Variants in FAM83B observed in about 807,000 individuals in gnomAD.
FAM83B encodes the protein scaffolding CK1 anchoring protein B.
FAM83B carries 26 observed loss-of-function variants against 38.8 expected under a neutral mutation model. The ratio of observed to expected loss-of-function variants is 0.67; its 90% confidence interval spans 0.49 to 0.93. The LOEUF (loss-of-function observed/expected upper bound fraction) is 0.93. Among genes scored for constraint, FAM83B ranks in the 40% least tolerant of loss-of-function variants. The probability of loss-of-function intolerance (pLI) is 0.00; values close to 1 mark genes in which losing one functional copy is unlikely to be tolerated. For missense variants in FAM83B, 1,237 were observed against 1,197.3 expected (o/e 1.03, Z -0.49); for synonymous variants, 419 against 423.1 (o/e 0.99, Z 0.12).
At chr6:54,907,166 C>T (rs908959933) in intron 2 of FAM83B, among the ~76,000 whole-genome samples, 4 of 152,066 alleles carry the variant, frequency 2.6e-5, no homozygotes, top group South Asian at 2.1e-4. Flanking sequence ...ATGCTAGAAA[C>T]GTATTCCAGC....
chr6:54,899,510 C>T (rs2127581961), intron 2 of FAM83B, among the ~76,000 whole-genome samples: 2 of 152,292 alleles, frequency 1.3e-5, no homozygotes, highest in East Asian at 3.9e-4. Context: ...ATAAGCAGAG[C>T]AGCTTTTAAA....
intron 2 of FAM83B, among the ~76,000 whole-genome samples, chr6:54,904,189 T>C (rs1209267976): frequency 6.6e-6 from 1 of 152,196 alleles, no homozygotes; most frequent in Non-Finnish European, 1.5e-5. Context: ...CTTTCTCTCC[T>C]GAAATGCTTT....
At chr6:54,924,074 T>G (rs1773230184) in intron 2 of FAM83B, among the ~76,000 whole-genome samples, 1 of 152,014 alleles carries the variant, frequency 6.6e-6, no homozygotes, top group African/African-American at 2.4e-5. Flanking sequence ...ATGAGTGACA[T>G]CACTCAGTAT....
intron 2 of FAM83B, among the ~76,000 whole-genome samples, chr6:54,882,345 A>G (rs1405496322): frequency 6.6e-6 from 1 of 152,232 alleles, no homozygotes; most frequent in African/African-American, 2.4e-5. Context: ...CATTTTATAT[A>G]TACTGATGTA....
chr6:54,940,317 C>T lies in FAM83B; in HGVS notation c.1346C>T (p.Ala449Val), dbSNP rs147775708. Reference sequence around the variant, plus strand: ...GCCCAGAGTTTTGCCAATCGGCTTGCGCAGAGAAAAACAACAAATCTTGCA... The same window carrying T: ...GCCCAGAGTTTTGCCAATCGGCTTGTGCAGAGAAAAACAACAAATCTTGCA... ...TPAQSFANRLAQRKTTNLADR... is the reference protein window; with the variant it reads ...TPAQSFANRLVQRKTTNLADR... Residue 449 changes from alanine to valine, a missense_variant, in exon 5 of 5, where the codon GCG (alanine) becomes GTG (valine). Physicochemically the swap from Ala to Val is moderately conservative, Grantham distance 64. Transcript: ENST00000306858. The T allele has an allele frequency of 1.5e-4, 246 of 1,613,876 alleles. No homozygotes were observed. Among genetic ancestry groups the T allele is most frequent in the African/African-American group, 2.7e-4 (20 of 74,900 alleles).
At chr6:54,900,278 A>G (rs2127582094) in intron 2 of FAM83B, among the ~76,000 whole-genome samples, 1 of 152,298 alleles carries the variant, frequency 6.6e-6, no homozygotes, top group Non-Finnish European at 1.5e-5. Flanking sequence ...GTGATGAGAA[A>G]AGAGGGAGGC....
intron 2 of FAM83B, among the ~76,000 whole-genome samples, chr6:54,874,752 G>A (rs1179472043): frequency 6.6e-6 from 1 of 152,014 alleles, no homozygotes; most frequent in Non-Finnish European, 1.5e-5. Flanking sequence ...TTTGTGAGAT[G>A]TGAATCTTAC....
At chr6:54,912,674 C>T (rs1275250741) in intron 2 of FAM83B, among the ~76,000 whole-genome samples, 2 of 151,910 alleles carry the variant, frequency 1.3e-5, no homozygotes, top group Non-Finnish European at 2.9e-5. Context: ...TTCTAAGTAA[C>T]ATGGCTAAAG....
rs770898108 is a variant in FAM83B at position 54,870,647 on chromosome 6, C to T, written c.401C>T (p.Thr134Met). 4.4e-6 allele frequency: 7 copies of T among 1,607,886 alleles called. No homozygotes were observed. The highest frequency in any genetic ancestry group is 2.2e-5 in the South Asian group (2 of 90,460). Reference sequence around the variant, plus strand: ...CATCCACCAAGAGCACATCTACTTACGATAAAAGAAACTATTCGGAAGATG... The same window carrying T: ...CATCCACCAAGAGCACATCTACTTATGATAAAAGAAACTATTCGGAAGATG... ...LFHPPRAHLL[T>M]IKETIRKMIK... is the part of the protein sequence containing the mutation. Residue 134 changes from threonine to methionine, a missense_variant, in exon 2 of 5, where the codon ACG becomes ATG. Transcript: ENST00000306858.
chr6:54,882,224 A>G (rs1318082309), intron 2 of FAM83B, among the ~76,000 whole-genome samples: 2 of 152,140 alleles, frequency 1.3e-5, no homozygotes, highest in Non-Finnish European at 2.9e-5. Context: ...CTGGACTTCT[A>G]TTCTATGATT....
intron 2 of FAM83B, among the ~76,000 whole-genome samples, chr6:54,895,747 T>C (rs1157226145): frequency 6.6e-6 from 1 of 151,722 alleles, no homozygotes; most frequent in African/African-American, 2.4e-5. Context: ...TAGGTTTGTT[T>C]TGTTTTGTTT....
chr6:54,874,459 G>A (rs1013166689), intron 2 of FAM83B, among the ~76,000 whole-genome samples: 3 of 151,880 alleles, frequency 2.0e-5, no homozygotes, highest in Non-Finnish European at 2.9e-5. Context: ...ACTTTACTTT[G>A]CAAAGTCTGA....
chr6:54,944,027 T>G lies in FAM83B; in HGVS notation c.*2020T>G, dbSNP rs1244376421. The G allele has an allele frequency of 6.6e-6, 1 of 152,204 alleles. No individual in the cohort carries two copies. Among genetic ancestry groups the G allele is most frequent in the African/African-American group, 2.4e-5 (1 of 41,460 alleles). 9.4% of individuals were successfully genotyped at this position (152,204 alleles called of 1,614,324 possible). On this transcript the variant is annotated 3_prime_UTR_variant, in exon 5 of 5. Transcript: ENST00000306858. ...ATCCCCTGACAGGTGACTTAGGCTT[T>G]GCACAGCAGATTTATTTTTCTCTGC...
At chr6:54,850,636 A>G (rs896213454) in intron 1 of FAM83B, among the ~76,000 whole-genome samples, 1 of 152,174 alleles carries the variant, frequency 6.6e-6, no homozygotes, top group Non-Finnish European at 1.5e-5. Context: ...ATTTATATAT[A>G]CACACTGGCA....
chr6:54,881,808 C>T (rs1229781083), intron 2 of FAM83B, among the ~76,000 whole-genome samples: 6 of 152,142 alleles, frequency 3.9e-5, no homozygotes, highest in Non-Finnish European at 8.8e-5. Flanking sequence ...GACTTGTGCA[C>T]AACGTGCAGG....
chr6:54,850,695 A>G (rs1230457638), intron 1 of FAM83B, among the ~76,000 whole-genome samples: 1 of 152,198 alleles, frequency 6.6e-6, no homozygotes, highest in African/African-American at 2.4e-5. Flanking sequence ...ACCTAGTCTC[A>G]TAAGACTCAT....
chr6:54,893,136 C>A (rs1460714821), intron 2 of FAM83B, among the ~76,000 whole-genome samples: 1 of 152,098 alleles, frequency 6.6e-6, no homozygotes, highest in Non-Finnish European at 1.5e-5. Context: ...ATCAGCACTG[C>A]CCAGTCAAGT....
At chr6:54,915,578 G>A (rs919092177) in intron 2 of FAM83B, among the ~76,000 whole-genome samples, 1 of 90,934 alleles carries the variant, frequency 1.1e-5, no homozygotes, top group East Asian at 2.1e-4. Context: ...AGGCCGAGGC[G>A]GGTGGATCAT....
intron 1 of FAM83B, among the ~76,000 whole-genome samples, chr6:54,851,496 A>G (rs945005671): frequency 6.6e-6 from 1 of 151,836 alleles, no homozygotes; most frequent in African/African-American, 2.4e-5. Flanking sequence ...TTTTTGTGAC[A>G]CAGTCTCACT....
Sources: gnomAD v4.1 joint callset for allele counts (sites outside exome capture counted in the v4.1 genomes callset) on GRCh38, gnomAD v4.1.1 for gene constraint, MANE v1.5 for transcripts, NCBI Gene and HGNC (gene_info 2026-07-23, HGNC 2026-07-21) for gene names.